Variants in RETREG1 observed in about 807,000 individuals in gnomAD.
RETREG1 encodes the protein family with sequence similarity 134 member B.
Under a neutral mutation model 54.8 loss-of-function variants are expected in RETREG1, and 44 were observed. The observed-to-expected ratio is 0.80, with a 90% confidence interval of 0.63 to 1.03. The LOEUF (loss-of-function observed/expected upper bound fraction) is 1.03, where lower values mean the gene tolerates loss of function less well. Ranked by LOEUF, RETREG1 falls within the 50% of genes least tolerant of loss-of-function variation. The pLI is 0.00. For missense variants in RETREG1, 554 were observed against 605.1 expected, an observed-to-expected ratio of 0.92 and a Z score of 0.89; for synonymous variants, 217 against 238.5, an observed-to-expected ratio of 0.91 and a Z score of 0.83.
chr5:16,497,561 A>C (rs1332895732), intron 3 of RETREG1, among the ~76,000 whole-genome samples: 4 of 152,214 alleles, frequency 2.6e-5, no homozygotes, highest in Non-Finnish European at 4.4e-5. Context: ...TAAGCTTTAC[A>C]ACATTGGTAA....
At chr5:16,612,998 A>C (rs1743390337) in intron 1 of RETREG1, among the ~76,000 whole-genome samples, 1 of 152,200 alleles carries the variant, frequency 6.6e-6, no homozygotes, top group African/African-American at 2.4e-5. Flanking sequence ...TTGTTGCTAA[A>C]GCTGTATTTT....
intron 1 of RETREG1, among the ~76,000 whole-genome samples, chr5:16,574,988 G>A (rs75984156): frequency 1.3e-5 from 2 of 152,246 alleles, no homozygotes; most frequent in Non-Finnish European, 2.9e-5. Context: ...GTTGCATTCT[G>A]GTGTTTGCTT....
At chr5:16,538,806 G>A (rs902614584) in intron 3 of RETREG1, among the ~76,000 whole-genome samples, 2 of 151,658 alleles carry the variant, frequency 1.3e-5, no homozygotes, top group Non-Finnish European at 2.9e-5. Flanking sequence ...CTGGGTTCAC[G>A]CCATTCTCCT....
intron 3 of RETREG1, among the ~76,000 whole-genome samples, chr5:16,496,784 G>A (rs2126542594): frequency 6.6e-6 from 1 of 152,316 alleles, no homozygotes; most frequent in East Asian, 1.9e-4. Flanking sequence ...GACTCAGCAA[G>A]CACACAACTC....
intron 1 of RETREG1, among the ~76,000 whole-genome samples, chr5:16,604,267 G>A (rs940786848): frequency 6.6e-6 from 1 of 152,134 alleles, no homozygotes; most frequent in Admixed American, 6.5e-5. Flanking sequence ...TCCCCATTCT[G>A]CCAAATACCC....
intron 3 of RETREG1, among the ~76,000 whole-genome samples, chr5:16,529,912 C>T (rs1740859589): frequency 6.6e-6 from 1 of 152,146 alleles, no homozygotes; most frequent in South Asian, 2.1e-4. Flanking sequence ...AGCAGCAATT[C>T]AAGTCCAAGC....
intron 3 of RETREG1, among the ~76,000 whole-genome samples, chr5:16,526,756 T>C (rs915345086): frequency 6.6e-6 from 1 of 152,178 alleles, no homozygotes; most frequent in South Asian, 2.1e-4. Context: ...CTATTTCTAA[T>C]TGAATATTAG....
intron 3 of RETREG1, among the ~76,000 whole-genome samples, chr5:16,516,527 C>G (rs62369686): frequency 0.1 from 15,599 of 152,172 alleles, 901 homozygotes; most frequent in African/African-American, 0.11. Context: ...AGGGCCTGAG[C>G]ACCCGCATCT....
chr5:16,517,291 T>C (rs546995222), intron 3 of RETREG1, among the ~76,000 whole-genome samples: 1 of 152,286 alleles, frequency 6.6e-6, no homozygotes, highest in South Asian at 2.1e-4. Context: ...CTGAACACTC[T>C]TGAAGCAGAG....
intron 3 of RETREG1, among the ~76,000 whole-genome samples, chr5:16,560,695 T>C (rs1741830665): frequency 6.6e-6 from 1 of 152,226 alleles, no homozygotes; most frequent in Non-Finnish European, 1.5e-5. Context: ...ATGGCTCACA[T>C]GAGCAAAAGA....
At chr5:16,522,134 C>G (rs1740552844) in intron 3 of RETREG1, among the ~76,000 whole-genome samples, 1 of 151,874 alleles carries the variant, frequency 6.6e-6, no homozygotes, top group Non-Finnish European at 1.5e-5. Context: ...CCTGTGGTAT[C>G]TAGGCATTTT....
chr5:16,609,846 C>T (rs1232048222), intron 1 of RETREG1, among the ~76,000 whole-genome samples: 2 of 152,166 alleles, frequency 1.3e-5, no homozygotes, highest in Admixed American at 6.5e-5. Context: ...CAGTGAGTGC[C>T]GCCCAGCAAT....
intron 3 of RETREG1, among the ~76,000 whole-genome samples, chr5:16,536,036 G>A (rs1741063246): frequency 6.6e-6 from 1 of 152,106 alleles, no homozygotes; most frequent in East Asian, 1.9e-4. Context: ...AGTGGGAGCT[G>A]GAGCTACTGT....
intron 3 of RETREG1, among the ~76,000 whole-genome samples, chr5:16,498,274 C>A (rs150459056): frequency 1.2e-4 from 18 of 152,310 alleles, no homozygotes; most frequent in African/African-American, 4.3e-4. Context: ...CGTACCGAGG[C>A]TATAGGGTAC....
At position 16,565,536 on chromosome 5, in the gene RETREG1, A is replaced by T. The variant is rs559274545; in HGVS notation, c.458+227T>A. ...CCTCACACATGATTCTCACAAATTC[A>T]TGTTGCCCAGTATCATAGCAAGATA... On this transcript the variant is annotated intron_variant, in intron 3 of 8. Coordinates refer to ENST00000306320, the MANE Select transcript of RETREG1 (RefSeq NM_001034850.3). Among the ~76,000 whole-genome samples the T allele has an allele frequency of 2.6e-5, 4 of 152,220 alleles. No individual in the cohort carries two copies. The East Asian group carries it at 7.7e-4, about 29-fold the overall frequency.
chr5:16,557,358 C>T (rs1345746118), intron 3 of RETREG1, among the ~76,000 whole-genome samples: 1 of 152,162 alleles, frequency 6.6e-6, no homozygotes, highest in African/African-American at 2.4e-5. Context: ...AACTACAGTT[C>T]TCCACATCCT....
chr5:16,509,073 C>G, intron 3 of RETREG1: 1 of 981,114 alleles, frequency 1.0e-6, no homozygotes, highest in Non-Finnish European at 1.2e-6. Context: ...ACTAGGCACC[C>G]ACCTAAGGGT....
intron 8 of RETREG1, among the ~76,000 whole-genome samples, 162 bp downstream of exon 8, chr5:16,477,500 T>C (rs1419603930): frequency 6.6e-6 from 1 of 152,194 alleles, no homozygotes; most frequent in African/African-American, 2.4e-5. Flanking sequence ...TCAAGGTTCA[T>C]CCATGTTGTA....
chr5:16,563,679 G>A (rs1226222963), intron 3 of RETREG1, among the ~76,000 whole-genome samples: 1 of 152,112 alleles, frequency 6.6e-6, no homozygotes, highest in African/African-American at 2.4e-5. Flanking sequence ...AATTTAGGAA[G>A]ATTTGGTCTT....
Sources: allele counts gnomAD v4.1 joint callset (sites outside exome capture counted in the v4.1 genomes callset), GRCh38; gene constraint gnomAD v4.1.1; transcripts MANE v1.5; gene names NCBI Gene and HGNC (gene_info 2026-07-23, HGNC 2026-07-21).